Variants in SDK1 observed in about 807,000 individuals in gnomAD.
SDK1 encodes the protein protein sidekick-1.
Under a neutral mutation model 245.5 loss-of-function variants are expected in SDK1, and 157 were observed. That is an observed-to-expected ratio of 0.64 (90% confidence interval 0.56 to 0.73). The LOEUF (loss-of-function observed/expected upper bound fraction) is 0.73, where lower values mean the gene tolerates loss of function less well. Ranked by LOEUF, SDK1 falls within the 30% of genes least tolerant of loss-of-function variation. SDK1 has a pLI of 0.00. For missense variants in SDK1, 3,583 were observed against 3,002.3 expected (o/e 1.19, Z -4.52); for synonymous variants, 1,647 against 1,278.5 (o/e 1.29, Z -6.15).
intron 1 of SDK1, among the ~76,000 whole-genome samples, chr7:3,562,323 A>G (rs1779774748): frequency 6.6e-6 from 1 of 152,258 alleles, no homozygotes; most frequent in Non-Finnish European, 1.5e-5. Flanking sequence ...AAACATGTTC[A>G]TAAAAAGTAC....
chr7:3,746,636 C>T (rs1225453514), intron 4 of SDK1, among the ~76,000 whole-genome samples: 1 of 152,240 alleles, frequency 6.6e-6, no homozygotes, highest in Non-Finnish European at 1.5e-5. Flanking sequence ...CATCTTAACA[C>T]ATCATTTTCT....
chr7:3,865,021 C>T (rs971439737), intron 5 of SDK1, among the ~76,000 whole-genome samples: 7 of 152,206 alleles, frequency 4.6e-5, no homozygotes, highest in Admixed American at 2.6e-4. Context: ...ATTTCCTATA[C>T]GTTTCTTCAG....
At chr7:3,319,393 G>GCTT (rs749225903) in intron 1 of SDK1, among the ~76,000 whole-genome samples, 21 of 152,110 alleles carry the variant, frequency 1.4e-4, no homozygotes, top group Non-Finnish European at 2.1e-4. Context: ...GCATCTGGGG[G>GCTT]CTTAGACCGG....
At chr7:3,884,083 GT>G (rs529710738) in intron 5 of SDK1, among the ~76,000 whole-genome samples, 6,475 of 135,846 alleles carry the variant, frequency 0.048, 255 homozygotes, top group African/African-American at 0.13. Flanking sequence ...TTGTTTTTTT[GT>G]TTTTTTTTTT....
At chr7:3,975,905 CGT>C (rs1562604428) in intron 13 of SDK1, among the ~76,000 whole-genome samples, 2 of 148,574 alleles carry the variant, frequency 1.3e-5, no homozygotes, top group African/African-American at 2.5e-5. Flanking sequence ...AAAGCTGCCA[CGT>C]AGAGGGTCCT....
chr7:3,786,654 C>G (rs879449657), intron 4 of SDK1, among the ~76,000 whole-genome samples: 8 of 152,104 alleles, frequency 5.3e-5, no homozygotes, highest in Admixed American at 5.2e-4. Flanking sequence ...GCCTTAATAC[C>G]GATGAATTTT....
intron 9 of SDK1, among the ~76,000 whole-genome samples, chr7:3,964,119 C>T (rs1007830819): frequency 6.6e-6 from 1 of 152,234 alleles, no homozygotes; most frequent in East Asian, 1.9e-4. Context: ...AAAATTTGCT[C>T]CATGTACTAC....
intron 1 of SDK1, among the ~76,000 whole-genome samples, chr7:3,470,342 T>G (rs1333539998): frequency 6.6e-6 from 1 of 152,116 alleles, no homozygotes; most frequent in Non-Finnish European, 1.5e-5. Context: ...TCAGAGATAG[T>G]CAAGGTACTA....
intron 1 of SDK1, among the ~76,000 whole-genome samples, chr7:3,316,536 A>G (rs1779666470): frequency 6.6e-6 from 1 of 152,228 alleles, no homozygotes; most frequent in African/African-American, 2.4e-5. Context: ...TGACCTGTAT[A>G]TTCAATATAA....
At chr7:3,527,925 G>T (rs1783202585) in intron 1 of SDK1, among the ~76,000 whole-genome samples, 1 of 150,304 alleles carries the variant, frequency 6.7e-6, no homozygotes, top group East Asian at 2.0e-4. Context: ...CCAGCTAGGG[G>T]GTGAATGGTA....
chr7:3,955,621 G>C (rs1781201145), intron 7 of SDK1, among the ~76,000 whole-genome samples: 1 of 152,230 alleles, frequency 6.6e-6, no homozygotes. Flanking sequence ...TGCTCCCTGA[G>C]AGGGGCGACC....
chr7:4,132,697 C>T (rs1035986591), intron 28 of SDK1: 2 of 347,560 alleles, frequency 5.8e-6, no homozygotes, highest in Non-Finnish European at 1.1e-5. Flanking sequence ...CACTGCACTC[C>T]AGCCTGAGAG....
intron 5 of SDK1, among the ~76,000 whole-genome samples, chr7:3,912,950 C>T (rs1465337012): frequency 6.6e-6 from 1 of 152,254 alleles, no homozygotes; most frequent in Non-Finnish European, 1.5e-5. Flanking sequence ...GGGCTCAAAG[C>T]AACCGTGGAG....
chr7:3,951,765 A>T lies in SDK1; in HGVS notation c.995A>T (p.Asn332Ile). 6.2e-7 allele frequency: 1 copy of T among 1,613,816 alleles called. No individual in the cohort carries two copies. The highest frequency in any genetic ancestry group is 1.1e-5 in the South Asian group (1 of 91,082). ...GACCTGAGTGTGACCTGGAAGAGGA[A>T]TGGAGTGAGAATCACCAGTGGCCTC... ...VEDLSVTWKRNGVRITSGLHS... is the reference protein window; with the variant it reads ...VEDLSVTWKRIGVRITSGLHS... Residue 332 changes from asparagine (N) to isoleucine (I), a missense_variant, in exon 7 of 45, where the codon AAT becomes ATT. Transcript: ENST00000404826.
intron 35 of SDK1, among the ~76,000 whole-genome samples, chr7:4,192,430 C>T (rs1296849069): frequency 6.6e-6 from 1 of 152,266 alleles, no homozygotes; most frequent in Non-Finnish European, 1.5e-5. Context: ...TGCCCGCCAC[C>T]ACGCCCAGCT....
chr7:4,265,224 A>G lies in SDK1; in HGVS notation c.6482A>G (p.Gln2161Arg). Reference sequence around the variant, plus strand: ...TACAACTCATGGAAGCGCAGGGCCCAGGGCCGCGCACCTGCGCCGCACAGG... The same window carrying G: ...TACAACTCATGGAAGCGCAGGGCCCGGGGCCGCGCACCTGCGCCGCACAGG... ...TYYNSWKRRA[Q>R]GRAPAPHRYE... Residue 2161 changes from glutamine to arginine, a missense_variant, in exon 45 of 45, where the codon CAG becomes CGG. Gln to Arg is a conservative substitution (Grantham distance 43). Coordinates refer to ENST00000404826, the MANE Select transcript of SDK1 (RefSeq NM_152744.4). The G allele has an allele frequency of 1.2e-6, 2 of 1,609,450 alleles. No individual in the cohort carries two copies. The highest frequency in any genetic ancestry group is 1.3e-5 in the African/African-American group (1 of 75,022).
chr7:3,640,818 G>A (rs1238541021), intron 3 of SDK1, among the ~76,000 whole-genome samples: 1 of 151,824 alleles, frequency 6.6e-6, no homozygotes, highest in Non-Finnish European at 1.5e-5. Context: ...TGAGCAGCTG[G>A]GATTACAGGC....
In SDK1 at chr7:4,026,056, G is replaced by A. The variant is rs146401837; in HGVS notation, c.2602+8704G>A. Among the ~76,000 whole-genome samples, 59 of 152,332 alleles carry A rather than the reference G, an allele frequency of 3.9e-4. No homozygotes were observed. The highest frequency in any genetic ancestry group is 1.3e-3 in the African/African-American group (53 of 41,566). ...TTAGGTCCACGAACGCGTCCCCAGC[G>A]TTGGGGAGGTATGCCACTCAGCACC... On this transcript the variant is annotated intron_variant, in intron 17 of 44. Transcript: ENST00000404826. The surrounding 1 kb of genome is among the most constrained non-coding windows in gnomAD (Gnocchi z 4.1).
chr7:3,343,638 G>A (rs373992126), intron 1 of SDK1, among the ~76,000 whole-genome samples: 10 of 152,100 alleles, frequency 6.6e-5, no homozygotes, highest in African/African-American at 2.4e-4. Context: ...TGTCATTGTT[G>A]TGGGAAACTT....
Sources: allele counts gnomAD v4.1 joint callset (sites outside exome capture counted in the v4.1 genomes callset), GRCh38; gene constraint gnomAD v4.1.1; non-coding constraint Gnocchi (gnomAD v3.1); transcripts MANE v1.5; gene names NCBI Gene and HGNC (gene_info 2026-07-23, HGNC 2026-07-21).